Variants in VTI1B observed in about 807,000 individuals in gnomAD.
The protein encoded by VTI1B is vesicle transport through interaction with t-SNAREs 1B.
Under a neutral mutation model 28.6 loss-of-function variants are expected in VTI1B, and 18 were observed. That is an observed-to-expected ratio of 0.63 (90% CI 0.43 to 0.93). VTI1B has a LOEUF of 0.93. Among genes scored for constraint, VTI1B ranks in the 40% least tolerant of loss-of-function variants. VTI1B has a pLI of 0.00. For missense variants in VTI1B, 283 were observed against 297.0 expected (o/e 0.95, Z 0.35); for synonymous variants, 100 against 107.9 (o/e 0.93, Z 0.46).
chr14:67,651,696 C>A, intron 5 of VTI1B: 1 of 403,886 alleles, frequency 2.5e-6, no homozygotes, highest in African/African-American at 2.3e-5. Context: ...CAATAAAAAC[C>A]AAAGCATAAA....
chr14:67,653,183 G>A (rs1170996280), intron 5 of VTI1B, among the ~76,000 whole-genome samples: 3 of 152,184 alleles, frequency 2.0e-5, no homozygotes, highest in Non-Finnish European at 2.9e-5. Flanking sequence ...TGTCCTTTCA[G>A]TGGAGAAATT....
intron 1 of VTI1B, among the ~76,000 whole-genome samples, chr14:67,668,462 G>A (rs1208278381): frequency 6.6e-6 from 1 of 152,188 alleles, no homozygotes; most frequent in Non-Finnish European, 1.5e-5. Context: ...GTACTTTGGA[G>A]AAATACAGTT....
At chr14:67,662,644 G>A in intron 1 of VTI1B, 109 bp from the exon 2 acceptor site, 1 of 1,001,544 alleles carries the variant, frequency 1.0e-6, no homozygotes. Context: ...GGTGGCTCAT[G>A]CCTGTAATCC....
At chr14:67,661,694 G>A (rs531470456) in intron 2 of VTI1B, among the ~76,000 whole-genome samples, 4 of 151,112 alleles carry the variant, frequency 2.6e-5, no homozygotes, top group Middle Eastern at 3.4e-3. Context: ...ACCAAACCTC[G>A]GTAATTTTTT....
At chr14:67,662,176 C>CA (rs753213190) in intron 2 of VTI1B, among the ~76,000 whole-genome samples, 9,745 of 145,282 alleles carry the variant, frequency 0.067, 429 homozygotes, top group East Asian at 0.18. Context: ...ACAACAACAA[C>CA]AACAAAAAAA....
chr14:67,671,830 AAGAGAGG>A (rs1445563886), intron 1 of VTI1B, among the ~76,000 whole-genome samples: 1 of 152,188 alleles, frequency 6.6e-6, no homozygotes, highest in Non-Finnish European at 1.5e-5. Context: ...GCAGGCAAGC[AAGAGAGG>A]GCTGAACTAA....
rs1410433740 is a variant in VTI1B, at chr14:67,647,288, A to ATG, written c.*4095_*4096dup. ...CCATCTTTAATGCTTATCTTCTGAG[A>ATG]TGACAAGCATTTATTGTTTCAACTG... On this transcript the variant is annotated 3_prime_UTR_variant, in exon 6 of 6. Coordinates refer to ENST00000554659, the MANE Select transcript of VTI1B (RefSeq NM_006370.3). The ATG allele has an allele frequency of 1.4e-5, 5 of 351,612 alleles. No homozygotes were observed. The highest frequency in any genetic ancestry group is 1.2e-4 in the South Asian group (2 of 16,398). 21.8% of individuals were successfully genotyped at this position (351,612 alleles called of 1,614,324 possible).
At chr14:67,663,998 T>A (rs1019627571) in intron 1 of VTI1B, among the ~76,000 whole-genome samples, 4 of 152,272 alleles carry the variant, frequency 2.6e-5, no homozygotes, top group East Asian at 3.9e-4. Flanking sequence ...CTTGATTTTT[T>A]AAAAAAATTT....
chr14:67,647,949 C>A lies in VTI1B; in HGVS notation c.*3436G>T. ...ATTAACAAAGTACTAGGACTAATAGCAACAAAATCAAGGAGTTGCAACCAT... is the reference window on the plus strand; with the variant it reads ...ATTAACAAAGTACTAGGACTAATAGAAACAAAATCAAGGAGTTGCAACCAT... On this transcript the variant is annotated 3_prime_UTR_variant, in exon 6 of 6. Coordinates refer to ENST00000554659, the MANE Select transcript of VTI1B (RefSeq NM_006370.3). 8.3e-7 allele frequency: 1 copy of A among 1,198,284 alleles called. No homozygotes were observed. The allele number at this position is 1,198,284 out of a possible 1,614,324, so 74.2% of individuals were successfully genotyped here. A position where few individuals can be genotyped will look rare whatever the true frequency, so the allele number is the denominator to read the frequency against.
intron 1 of VTI1B, among the ~76,000 whole-genome samples, chr14:67,673,605 T>C (rs1243747095): frequency 6.6e-6 from 1 of 152,252 alleles, no homozygotes; most frequent in Non-Finnish European, 1.5e-5. Flanking sequence ...ATGAATTTCA[T>C]TCTCACCAGT....
intron 1 of VTI1B, among the ~76,000 whole-genome samples, chr14:67,667,467 T>C (rs929018728): frequency 3.9e-5 from 6 of 152,042 alleles, no homozygotes; most frequent in African/African-American, 1.4e-4. Flanking sequence ...CATCTGCAAA[T>C]AGGGACTATA....
chr14:67,670,979 C>A (rs901139686), intron 1 of VTI1B, among the ~76,000 whole-genome samples: 14 of 152,106 alleles, frequency 9.2e-5, no homozygotes, highest in Admixed American at 2.0e-4. Context: ...TTATGCTGTG[C>A]CTAATAATTC....
chr14:67,662,223 T>C (rs1191723908), intron 2 of VTI1B, among the ~76,000 whole-genome samples: 2 of 150,754 alleles, frequency 1.3e-5, no homozygotes, highest in Admixed American at 1.3e-4. Context: ...TGGGTAAAAG[T>C]ATGAGAATGC....
chr14:67,663,440 G>A (rs919980728), intron 1 of VTI1B, among the ~76,000 whole-genome samples: 1 of 152,080 alleles, frequency 6.6e-6, no homozygotes, highest in Non-Finnish European at 1.5e-5. Context: ...TTGGGAGGCC[G>A]AGGCGGGCGG....
intron 1 of VTI1B, among the ~76,000 whole-genome samples, chr14:67,668,604 T>C (rs2037430131): frequency 6.7e-6 from 1 of 148,978 alleles, no homozygotes; most frequent in Non-Finnish European, 1.5e-5. Context: ...ATCCAATAGG[T>C]ATCTATGAAG....
chr14:67,653,096 T>C (rs1279158542), intron 5 of VTI1B, among the ~76,000 whole-genome samples: 1 of 152,092 alleles, frequency 6.6e-6, no homozygotes, highest in African/African-American at 2.4e-5. Context: ...GCTGAGATTA[T>C]ATAAATATAT....
Position 67,647,736 on chromosome 14 carries a change from C to A in VTI1B, c.*3649G>T. 4.3e-6 allele frequency: 1 copy of A among 233,034 alleles called. No homozygotes were observed. The highest frequency in any genetic ancestry group is 8.3e-6 in the Non-Finnish European group (1 of 120,500). The allele number at this position is 233,034 out of a possible 1,614,324, so 14.4% of individuals were successfully genotyped here. On this transcript the variant is annotated 3_prime_UTR_variant, in exon 6 of 6. Transcript: ENST00000554659. ...CAATCTCATCTAGAAGTGAAGAAAT[C>A]TCTCTATTGACAGTTATTAGTATAA...
At chr14:67,663,302 A>G in intron 1 of VTI1B, 1 of 690,394 alleles carries the variant, frequency 1.4e-6, no homozygotes, top group East Asian at 3.0e-5. Flanking sequence ...CATCTAAAAT[A>G]TGATAGCAAG....
chr14:67,661,823 C>T (rs925838225), intron 2 of VTI1B, among the ~76,000 whole-genome samples: 7 of 152,190 alleles, frequency 4.6e-5, no homozygotes, highest in South Asian at 2.1e-4. Flanking sequence ...CGTGAGCCAC[C>T]GCACTGACCA....
Sources: gnomAD v4.1 joint callset for allele counts (sites outside exome capture counted in the v4.1 genomes callset) on GRCh38, gnomAD v4.1.1 for gene constraint, MANE v1.5 for transcripts, NCBI Gene and HGNC (gene_info 2026-07-23, HGNC 2026-07-21) for gene names.